SGPL1: variants seen among roughly 807,000 people sequenced by gnomAD.
SGPL1 encodes the protein sphingosine-1-phosphate lyase 1, also known as SP-lyase 1.
A neutral mutation model predicts 68.9 loss-of-function variants in SGPL1; 37 were observed. The ratio of observed to expected loss-of-function variants is 0.54; its 90% confidence interval spans 0.41 to 0.71. The LOEUF is 0.71. SGPL1 is among the 30% of genes least tolerant of loss of function. SGPL1 has a pLI of 0.00. For synonymous variants in SGPL1, 236 were observed against 248.5 expected, an observed-to-expected ratio of 0.95 and a Z score of 0.47; for missense variants, 551 against 704.6, an observed-to-expected ratio of 0.78 and a Z score of 2.47.
At chr10:70,859,724 G>A (rs1846020105) in intron 7 of SGPL1, 1 of 158,386 alleles carries the variant, frequency 6.3e-6, no homozygotes, top group Non-Finnish European at 1.4e-5. Flanking sequence ...TTGTAATTTT[G>A]TAACCTAGAC....
chr10:70,854,612 T>C, intron 4 of SGPL1, 96 bp from the exon 5 acceptor site: 1 of 990,642 alleles, frequency 1.0e-6, no homozygotes, highest in Non-Finnish European at 1.5e-6. Flanking sequence ...ACTTGTGCGG[T>C]GCCTAGCATT....
chr10:70,826,584 G>A (rs895303848), intron 2 of SGPL1, among the ~76,000 whole-genome samples: 1 of 152,276 alleles, frequency 6.6e-6, no homozygotes, highest in African/African-American at 2.4e-5. Flanking sequence ...ATAAAACAAC[G>A]ATACCAGATT....
In SGPL1 at chr10:70,877,497, A is replaced by C. The variant is rs575988164; in HGVS notation, c.*162A>C. On this transcript the variant is annotated 3_prime_UTR_variant, in exon 15 of 15. Transcript: ENST00000373202. ...CCTCAGGATTCTTGTTCTTCCTCTTATCTTCCTTTTGTGGTTTTTAATTTG... is the reference window on the plus strand; with the variant it reads ...CCTCAGGATTCTTGTTCTTCCTCTTCTCTTCCTTTTGTGGTTTTTAATTTG... 1 of 570,904 alleles carries C rather than the reference A, an allele frequency of 1.8e-6. No homozygotes were observed. Among genetic ancestry groups the C allele is most frequent in the Admixed American group, 3.0e-5 (1 of 33,824 alleles). 35.4% of individuals were successfully genotyped at this position (570,904 alleles called of 1,614,324 possible). A position where few individuals can be genotyped will look rare whatever the true frequency, so the allele number is the denominator to read the frequency against.
At chr10:70,867,795 A>G (rs982777974) in intron 7 of SGPL1, among the ~76,000 whole-genome samples, 16 of 152,208 alleles carry the variant, frequency 1.1e-4, no homozygotes, top group African/African-American at 3.6e-4. Flanking sequence ...CTTAAAAAAA[A>G]TTAGGATTTT....
intron 9 of SGPL1, among the ~76,000 whole-genome samples, chr10:70,870,524 C>A (rs1680417268): frequency 6.7e-6 from 1 of 150,372 alleles, no homozygotes; most frequent in Non-Finnish European, 1.5e-5. Context: ...AAAAAAAAGA[C>A]TCTCACTGTG....
intron 2 of SGPL1, among the ~76,000 whole-genome samples, chr10:70,830,029 A>G (rs1845506724): frequency 6.6e-6 from 1 of 152,160 alleles, no homozygotes; most frequent in South Asian, 2.1e-4. Context: ...CCAGAGCTTT[A>G]CTCTCTATTT....
intron 2 of SGPL1, among the ~76,000 whole-genome samples, chr10:70,842,817 C>A (rs1370405221): frequency 1.2e-4 from 18 of 152,186 alleles, no homozygotes; most frequent in Admixed American, 1.2e-3. Flanking sequence ...CCCAGCCTCA[C>A]GTCTCTGATT....
chr10:70,862,268 G>T (rs866649117), intron 7 of SGPL1, among the ~76,000 whole-genome samples: 2 of 152,032 alleles, frequency 1.3e-5, no homozygotes, highest in Middle Eastern at 3.4e-3. Flanking sequence ...TGCACCAATC[G>T]ACACTCTGTA....
Position 70,876,557 on chromosome 10 carries a change from A to G in SGPL1, c.1462A>G (p.Thr488Ala), listed in dbSNP as rs1051598829. 6.2e-7 allele frequency: 1 copy of G among 1,611,840 alleles called. No homozygotes were observed. The highest frequency in any genetic ancestry group is 8.5e-7 in the Non-Finnish European group (1 of 1,178,902). The change falls in exon 14 of 15, where the codon ACA becomes GCA. Residue 488 changes from threonine to alanine, a missense_variant. Thr to Ala is a moderately conservative substitution (Grantham distance 58). Coordinates refer to ENST00000373202, the MANE Select transcript of SGPL1 (RefSeq NM_003901.4). ...CTTTCCTAGTATTCATTTCTGCATC[A>G]CATTACTACACGCCCGGAAACGAGT... ...QFPPSIHFCI[T>A]LLHARKRVAI...
At chr10:70,867,333 T>C (rs758588829) in intron 7 of SGPL1, among the ~76,000 whole-genome samples, 1 of 152,062 alleles carries the variant, frequency 6.6e-6, no homozygotes, top group African/African-American at 2.4e-5. Context: ...GAGGCTGAGG[T>C]GGGCAGATCA....
chr10:70,871,455 G>GAT (rs1589475553), intron 10 of SGPL1, among the ~76,000 whole-genome samples: 1 of 152,182 alleles, frequency 6.6e-6, no homozygotes, highest in Admixed American at 6.5e-5. Flanking sequence ...CCAAAAGGGT[G>GAT]ATATTCCACA....
At chr10:70,861,603 G>A (rs1409889188) in intron 7 of SGPL1, among the ~76,000 whole-genome samples, 2 of 152,238 alleles carry the variant, frequency 1.3e-5, no homozygotes, top group Non-Finnish European at 2.9e-5. Flanking sequence ...GGCTGGCCAA[G>A]GTCGGAGCCG....
chr10:70,858,535 T>C (rs190502034), intron 6 of SGPL1, among the ~76,000 whole-genome samples: 51 of 152,346 alleles, frequency 3.3e-4, no homozygotes, highest in Non-Finnish European at 5.0e-4. Context: ...AATATGAAAC[T>C]GTCCCTTACT....
chr10:70,876,715 G>A, intron 14 of SGPL1, 54 bp downstream of exon 14: 1 of 1,510,954 alleles, frequency 6.6e-7, no homozygotes, highest in Non-Finnish European at 9.1e-7. Flanking sequence ...TGTTGGTGGA[G>A]AGTTTGAAGG....
chr10:70,870,954 A>G (rs1402530334), intron 9 of SGPL1, 94 bp from the exon 10 acceptor site: 2 of 973,428 alleles, frequency 2.1e-6, no homozygotes, highest in Non-Finnish European at 3.3e-6. Flanking sequence ...TGGAACTGGA[A>G]CTCTAAGCTA....
chr10:70,834,426 C>G (rs1167510004), intron 2 of SGPL1, among the ~76,000 whole-genome samples: 1 of 152,204 alleles, frequency 6.6e-6, no homozygotes, highest in Non-Finnish European at 1.5e-5. Context: ...TCAGTTTCTT[C>G]ATCACTGCAA....
At chr10:70,829,931 A>G (rs1845504588) in intron 2 of SGPL1, among the ~76,000 whole-genome samples, 1 of 152,216 alleles carries the variant, frequency 6.6e-6, no homozygotes, top group Non-Finnish European at 1.5e-5. Flanking sequence ...TCATCATTTT[A>G]GTCGTTAATA....
chr10:70,837,114 G>C (rs2131872346), intron 2 of SGPL1, among the ~76,000 whole-genome samples: 1 of 149,606 alleles, frequency 6.7e-6, no homozygotes, highest in East Asian at 2.0e-4. Context: ...GTCTTGCTCT[G>C]TCACCCAGGC....
intron 7 of SGPL1, among the ~76,000 whole-genome samples, chr10:70,867,911 T>A (rs533717376): frequency 2.6e-5 from 4 of 152,382 alleles, no homozygotes; most frequent in Non-Finnish European, 5.9e-5. Context: ...TAAATCTGAA[T>A]GTCTCTTTTT....
Sources: gnomAD v4.1 joint callset for allele counts (sites outside exome capture counted in the v4.1 genomes callset) on GRCh38, gnomAD v4.1.1 for gene constraint, MANE v1.5 for transcripts, NCBI Gene and HGNC (gene_info 2026-07-23, HGNC 2026-07-21) for gene names.